Variants in AHNAK2 observed in about 807,000 individuals in gnomAD.
The protein encoded by AHNAK2 is protein AHNAK2.
A neutral mutation model predicts 30.7 loss-of-function variants in AHNAK2; 18 were observed. The observed-to-expected ratio is 0.59, with a 90% CI of 0.41 to 0.87. The LOEUF is 0.87. AHNAK2 is among the 40% of genes least tolerant of loss of function. AHNAK2 has a pLI of 0.00. For missense variants in AHNAK2, 8,604 were observed against 7,373.0 expected (o/e 1.17, Z -6.11); for synonymous variants, 3,590 against 3,073.8 (o/e 1.17, Z -5.56).
In AHNAK2 at chr14:104,938,933, G is replaced by C. The variant is rs773551057; in HGVS notation, c.16518C>G (p.Ile5506Met). Residue 5506 changes from isoleucine to methionine, a missense_variant, in exon 7 of 7, where the codon ATC (isoleucine) becomes ATG (methionine). By Grantham distance (10) the Ile-to-Met change is conservative (BLOSUM62 1). Transcript: ENST00000333244. Reference sequence around the variant, plus strand: ...AAGGTGTTTGAATCTCTGACGTGGGGATCTCTGATTCCCGCACAATCTGAG... The same window carrying C: ...AAGGTGTTTGAATCTCTGACGTGGGCATCTCTGATTCCCGCACAATCTGAG... ...FSTQIVRESE[I>M]PTSEIQTPSY... is the part of the protein sequence containing the mutation. 5.7e-5 allele frequency: 92 copies of C among 1,613,404 alleles called. No individual in the cohort carries two copies. The highest frequency in any genetic ancestry group is 7.0e-5 in the Non-Finnish European group (82 of 1,179,846).
In AHNAK2 at chr14:104,948,224, G is replaced by C. The variant is rs1189048633; in HGVS notation, c.7227C>G (p.Phe2409Leu). 2.5e-6 allele frequency: 4 copies of C among 1,612,468 alleles called. No homozygotes were observed. The highest frequency in any genetic ancestry group is 2.7e-5 in the African/African-American group (2 of 74,392). Reference protein sequence around the residue: ...GHLPKLQMPSFKMPKVDLKGP... With the variant: ...GHLPKLQMPSLKMPKVDLKGP... ...CCTTGAGATCTACTTTGGGCATCTT[G>C]AAACTGGGCATCTGCAGCTTGGGCA... The change falls in exon 7 of 7, where the codon TTC becomes TTG. Residue 2409 changes from phenylalanine (F) to leucine (L), a missense_variant. By Grantham distance (22) the Phe-to-Leu change is conservative. Coordinates refer to ENST00000333244, the MANE Select transcript of AHNAK2 (RefSeq NM_138420.4).
Position 104,944,525 on chromosome 14 carries a change from T to A in AHNAK2, c.10926A>T (p.Lys3642Asn). 1 of 1,607,896 alleles carries A rather than the reference T, an allele frequency of 6.2e-7. No individual in the cohort carries two copies. Among genetic ancestry groups the A allele is most frequent in the Non-Finnish European group, 8.5e-7 (1 of 1,177,336 alleles). ...ATACCCTGAATGACGGCATCTTGAA[T>A]TTGGGCATTTTGAACTTGCTGTCTT... Reference protein sequence around the residue: ...TAKDSKFKMPKFKMPSFRVSA... With the variant: ...TAKDSKFKMPNFKMPSFRVSA... Residue 3642 changes from lysine (K) to asparagine (N), a missense_variant, in exon 7 of 7, where the codon AAA becomes AAT. Physicochemically the swap from Lys to Asn is moderately conservative, Grantham distance 94. Transcript: ENST00000333244.
Position 104,939,202 on chromosome 14 carries a change from C to G in AHNAK2, c.16249G>C (p.Glu5417Gln). The G allele has an allele frequency of 6.2e-7, 1 of 1,613,828 alleles. No individual in the cohort carries two copies. Among genetic ancestry groups the G allele is most frequent in the South Asian group, 1.1e-5 (1 of 91,072 alleles). The change falls in exon 7 of 7, where the codon GAG becomes CAG. Residue 5417 changes from glutamate (E) to glutamine (Q), a missense_variant. By Grantham distance (29) the Glu-to-Gln change is conservative. Coordinates refer to ENST00000333244, the MANE Select transcript of AHNAK2 (RefSeq NM_138420.4). The part of the protein sequence containing the change: ...IPTVREVQCP[E>Q]ANIDTALCKE... ...CAAAGGGCTGTATCAATATTGGCCT[C>G]TGGACACTGCACTTCCCTCACAGTG...
In AHNAK2 at chr14:104,939,054, T is replaced by G. The variant is rs1897899046; in HGVS notation, c.16397A>C (p.His5466Pro). 4.4e-6 allele frequency: 7 copies of G among 1,606,548 alleles called. No individual in the cohort carries two copies. The highest frequency in any genetic ancestry group is 1.3e-5 in the African/African-American group (1 of 74,810). The change falls in exon 7 of 7, where the codon CAT (histidine) becomes CCT (proline). Residue 5466 changes from histidine (H) to proline (P), a missense_variant. Physicochemically the swap from His to Pro is moderately conservative, Grantham distance 77 (BLOSUM62 -2). Transcript: ENST00000333244. ...EAPPISKVRV[H>P]IQGAQVESQE... ...ACTTTCAACCTGAGCACCCTGAATA[T>G]GCACTCTGACCTTTGAAATTGGGGG...
At position 104,938,157 on chromosome 14, in the gene AHNAK2, G is replaced by A. The variant is rs747829681; in HGVS notation, c.17294C>T (p.Thr5765Ile). ...GATTAACTCTGTTCTTGCCGCGGATGTCACCATCACTCTGGAGTCCAGCCC... is the reference window on the plus strand; with the variant it reads ...GATTAACTCTGTTCTTGCCGCGGATATCACCATCACTCTGGAGTCCAGCCC... The part of the protein sequence containing the change: ...GTGLDSRVMV[T>I]SAARTELILP... The change falls in exon 7 of 7, where the codon ACA (threonine) becomes ATA (isoleucine). Residue 5765 changes from threonine to isoleucine, a missense_variant. Coordinates refer to ENST00000333244, the MANE Select transcript of AHNAK2 (RefSeq NM_138420.4). The A allele has an allele frequency of 1.9e-6, 3 of 1,613,792 alleles. No individual in the cohort carries two copies. In the African/African-American group the frequency reaches 4.0e-5, roughly 22 times the overall value.
At chr14:104,955,318 T>C in intron 5 of AHNAK2, 165 bp downstream of exon 5, 2 of 1,283,286 alleles carry the variant, frequency 1.6e-6, no homozygotes, top group Non-Finnish European at 2.1e-6. Context: ...GGGTCCCCCA[T>C]TTTACTAGAT....
chr14:104,975,073 G>A (rs909818940), intron 1 of AHNAK2, among the ~76,000 whole-genome samples: 2 of 152,248 alleles, frequency 1.3e-5, no homozygotes, highest in African/African-American at 4.8e-5. Context: ...GCAGCTCCTA[G>A]CCCAGCCCAG....
chr14:104,961,094 G>T (rs1899122472), intron 1 of AHNAK2, among the ~76,000 whole-genome samples: 1 of 151,712 alleles, frequency 6.6e-6, no homozygotes, highest in African/African-American at 2.4e-5. Flanking sequence ...TTGTTCCACT[G>T]CACTCCAGCC....
At position 104,942,929 on chromosome 14, in the gene AHNAK2, C is replaced by G. The variant is rs1231961563; in HGVS notation, c.12522G>C (p.Gly4174=). Residue 4174 remains glycine (G), a synonymous_variant, in exon 7 of 7, where the codon GGG becomes GGC. Coordinates refer to ENST00000333244, the MANE Select transcript of AHNAK2 (RefSeq NM_138420.4). ...KADVSLPSMQ[G]DLKTTDLSIQ... ...TGCTGAGGTCAGTGGTCTTGAGGTC[C>G]CCCTGCATGGAGGGGAGGCTCACGT... 4.3e-6 allele frequency: 7 copies of G among 1,613,284 alleles called. No individual in the cohort carries two copies. Among genetic ancestry groups the G allele is most frequent in the Non-Finnish European group, 5.9e-6 (7 of 1,179,622 alleles).
At position 104,952,251 on chromosome 14, in the gene AHNAK2, G is replaced by A. The variant is rs200325148; in HGVS notation, c.3200C>T (p.Pro1067Leu). The change falls in exon 7 of 7, where the codon CCG becomes CTG. Residue 1067 changes from proline (P) to leucine (L), a missense_variant. Transcript: ENST00000333244. ...VQADQVDVKL[P>L]EGHLPEGAGL... ...AGCTCCCTCGGGCAGGTGGCCCTCCGGGAGCTTCACATCCACCTGGTCAGC... is the reference window on the plus strand; with the variant it reads ...AGCTCCCTCGGGCAGGTGGCCCTCCAGGAGCTTCACATCCACCTGGTCAGC... 86 of 1,610,598 alleles carry A rather than the reference G, an allele frequency of 5.3e-5. 1 individual carries two copies. The highest frequency in any genetic ancestry group is 3.3e-4 in the Middle Eastern group (2 of 6,024).
At position 104,954,645 on chromosome 14, in the gene AHNAK2, C is replaced by T. The variant is rs1239408111; in HGVS notation, c.806G>A (p.Ser269Asn). The T allele has an allele frequency of 1.5e-5, 24 of 1,612,814 alleles. No homozygotes were observed. The highest frequency in any genetic ancestry group is 1.9e-5 in the Non-Finnish European group (22 of 1,179,720). ...CCTCTGGGGTCCCGGCCCCCGCTTG[C>T]TCTTTATGGATTGAAATTTTGGCCA... ...LSWPKFQSIK[S>N]KRGPGPQRSH... The change falls in exon 7 of 7, where the codon AGC (serine) becomes AAC (asparagine). Residue 269 changes from serine (S) to asparagine (N), a missense_variant. Transcript: ENST00000333244. The surrounding 1 kb of genome is among the most constrained non-coding windows in gnomAD (Gnocchi z 4.3).
rs367758964 is a variant in AHNAK2, at chr14:104,951,994, C to T, written c.3457G>A (p.Asp1153Asn). The change falls in exon 7 of 7, where the codon GAC (aspartate) becomes AAC (asparagine). Residue 1153 changes from aspartate (D) to asparagine (N), a missense_variant. Transcript: ENST00000333244. ...ARLEGELSLA[D>N]KDVTAKDSRF... The stretch of plus-strand genomic sequence containing the variant: ...CTGTCTTTGGCAGTCACATCCTTGT[C>T]GGCCAGGGACAGTTCCCCCTCCAGC... 2.4e-5 allele frequency: 38 copies of T among 1,612,322 alleles called. No individual in the cohort carries two copies. Among genetic ancestry groups the T allele is most frequent in the Middle Eastern group, 1.6e-4 (1 of 6,066 alleles).
chr14:104,954,874 T>G lies in AHNAK2; in HGVS notation c.652-75A>C. On this transcript the variant is annotated intron_variant, in intron 6 of 6. Coordinates refer to ENST00000333244, the MANE Select transcript of AHNAK2 (RefSeq NM_138420.4). The surrounding 1 kb of genome is among the most constrained non-coding windows in gnomAD (Gnocchi z 4.3). ...GGCCCTGGCCCAGGGACAGATGGAG[T>G]GGGAGTGCTATCCCCTCCCAGGCTC... The G allele has an allele frequency of 3.2e-6, 5 of 1,542,750 alleles. No individual in the cohort carries two copies. In the South Asian group the frequency reaches 6.2e-5, roughly 19 times the overall value.
rs1412860506 is a variant in AHNAK2 at position 104,948,352 on chromosome 14, T to A, written c.7099A>T (p.Ser2367Cys). ...MQGDLKTTDL[S>C]VQPPSADLEV... ...AGGTCAGCGGAAGGGGGCTGAACGC[T>A]GAGGTCAGTGGTCTTGAGGTCCCCC... Residue 2367 changes from serine (S) to cysteine (C), a missense_variant, in exon 7 of 7, where the codon AGC becomes TGC. Transcript: ENST00000333244. 6.2e-7 allele frequency: 1 copy of A among 1,612,712 alleles called. No individual in the cohort carries two copies. Among genetic ancestry groups the A allele is most frequent in the Non-Finnish European group, 8.5e-7 (1 of 1,179,574 alleles).
rs373615265 is a variant in AHNAK2 at position 104,943,786 on chromosome 14, C to T, written c.11665G>A (p.Val3889Met). ...EAGLKGHLPK[V>M]QMPSFKMPKV... ...GGCATCTTGAAACTGGGCATCTGCA[C>T]CTTGGGCAGGTGTCCTTTGAGGCCG... The change falls in exon 7 of 7, where the codon GTG (valine) becomes ATG (methionine). Residue 3889 changes from valine to methionine, a missense_variant. Transcript: ENST00000333244. The T allele has an allele frequency of 1.4e-5, 23 of 1,613,032 alleles. No individual in the cohort carries two copies. The highest frequency in any genetic ancestry group is 1.9e-5 in the Non-Finnish European group (23 of 1,179,600).
chr14:104,943,467 G>C lies in AHNAK2; in HGVS notation c.11984C>G (p.Ala3995Gly), dbSNP rs146136367. The C allele has an allele frequency of 1.9e-6, 3 of 1,612,876 alleles. No homozygotes were observed. The highest frequency in any genetic ancestry group is 2.5e-6 in the Non-Finnish European group (3 of 1,179,512). Residue 3995 changes from alanine (A) to glycine (G), a missense_variant, in exon 7 of 7, where the codon GCG becomes GGG. Coordinates refer to ENST00000333244, the MANE Select transcript of AHNAK2 (RefSeq NM_138420.4). ...GCTCACGTCGGCCTCCACCTTTGGC[G>C]CGGTCACATCCACTGATGCCTCCAT... The part of the protein sequence containing the change: ...KSMEASVDVT[A>G]PKVEADVSLP...
chr14:104,938,604 G>C lies in AHNAK2; in HGVS notation c.16847C>G (p.Pro5616Arg). 6.2e-7 allele frequency: 1 copy of C among 1,613,048 alleles called. No individual in the cohort carries two copies. The highest frequency in any genetic ancestry group is 8.5e-7 in the Non-Finnish European group (1 of 1,179,618). Residue 5616 changes from proline to arginine, a missense_variant, in exon 7 of 7, where the codon CCT becomes CGT. By Grantham distance (103) the Pro-to-Arg change is moderately radical (BLOSUM62 -2). Coordinates refer to ENST00000333244, the MANE Select transcript of AHNAK2 (RefSeq NM_138420.4). ...EEPAEILEFPPDDSQEATTPL... is the reference protein window; with the variant it reads ...EEPAEILEFPRDDSQEATTPL... ...TGTGGTTGCCTCTTGGCTATCATCA[G>C]GGGGAAACTCAAGAATTTCTGCTGG... is the stretch of plus-strand genomic sequence containing the variant.
intron 1 of AHNAK2, among the ~76,000 whole-genome samples, chr14:104,970,725 C>A (rs369342088): frequency 4.1e-3 from 628 of 152,302 alleles, no homozygotes; most frequent in African/African-American, 0.013. Flanking sequence ...TGCCCACCCC[C>A]AGCCTGAGCA....
In AHNAK2 at chr14:104,950,627, G is replaced by A. The variant is rs748246608; in HGVS notation, c.4824C>T (p.Pro1608=). The change falls in exon 7 of 7, where the codon CCC becomes CCT. Residue 1608 remains proline (P), a synonymous_variant. Transcript: ENST00000333244. ...VKGPKLDLKG[P]KVEVTAPDVK... ...CATCGGGGGCTGTCACTTCCACCTTGGGGCCTTTCAGGTCCAGCTTGGGGC... is the reference window on the plus strand; with the variant it reads ...CATCGGGGGCTGTCACTTCCACCTTAGGGCCTTTCAGGTCCAGCTTGGGGC... The A allele has an allele frequency of 1.5e-5, 24 of 1,586,910 alleles. 3 individuals carry two copies. The highest frequency in any genetic ancestry group is 8.7e-5 in the Admixed American group (5 of 57,480).
Sources: allele counts gnomAD v4.1 joint callset (sites outside exome capture counted in the v4.1 genomes callset), GRCh38; gene constraint gnomAD v4.1.1; non-coding constraint Gnocchi (gnomAD v3.1); transcripts MANE v1.5; gene names NCBI Gene and HGNC (gene_info 2026-07-23, HGNC 2026-07-21).